The following CCDC7 variants were observed in gnomAD, a reference collection of about 807,000 sequenced individuals.
CCDC7 encodes the protein coiled-coil domain-containing protein 7.
A neutral mutation model predicts 196.9 loss-of-function variants in CCDC7; 183 were observed. That is an observed-to-expected ratio of 0.93 (90% CI 0.82 to 1.05). CCDC7 has a LOEUF of 1.05. CCDC7 is among the 50% of genes least tolerant of loss of function. The probability of loss-of-function intolerance (pLI) is 0.00; values close to 1 mark genes in which losing one functional copy is unlikely to be tolerated. For synonymous variants in CCDC7, 525 were observed against 484.6 expected (o/e 1.08, Z -1.10); for missense variants, 1,540 against 1,482.2 (o/e 1.04, Z -0.64).
chr10:32,565,919 T>C (rs748976637), intron 14 of CCDC7, among the ~76,000 whole-genome samples: 15 of 152,130 alleles, frequency 9.9e-5, no homozygotes, highest in Non-Finnish European at 1.8e-4. Context: ...AAAAAGACAA[T>C]GTATTTCAAG....
chr10:32,603,773 A>AT (rs1189339617), intron 18 of CCDC7, among the ~76,000 whole-genome samples: 1 of 151,702 alleles, frequency 6.6e-6, no homozygotes, highest in Non-Finnish European at 1.5e-5. Flanking sequence ...GTCTATTTAG[A>AT]TTTTTTGCCC....
chr10:32,486,185 A>T (rs1185322385), intron 8 of CCDC7, among the ~76,000 whole-genome samples: 4 of 152,130 alleles, frequency 2.6e-5, no homozygotes, highest in Admixed American at 6.5e-5. Context: ...GTGCTCCTGT[A>T]TTGGGTACAT....
intron 28 of CCDC7, among the ~76,000 whole-genome samples, chr10:32,735,096 A>C (rs1407963645): frequency 2.0e-5 from 3 of 152,126 alleles, no homozygotes; most frequent in African/African-American, 7.2e-5. Context: ...ATTTTTTCAC[A>C]ATACTCCTAA....
At chr10:32,637,393 A>AATT (rs2065851028) in intron 20 of CCDC7, among the ~76,000 whole-genome samples, 2 of 152,068 alleles carry the variant, frequency 1.3e-5, no homozygotes, top group Non-Finnish European at 2.9e-5. Context: ...ATCCATCTTG[A>AATT]ATTAATTTTT....
intron 18 of CCDC7, among the ~76,000 whole-genome samples, chr10:32,584,728 G>T (rs954114642): frequency 8.1e-6 from 1 of 124,114 alleles, no homozygotes; most frequent in South Asian, 2.7e-4. Flanking sequence ...ACTCCAGCCT[G>T]GGCGACAGAG....
intron 13 of CCDC7, among the ~76,000 whole-genome samples, chr10:32,550,508 C>CTTTT (rs2053293279): frequency 6.6e-6 from 1 of 152,058 alleles, no homozygotes; most frequent in African/African-American, 2.4e-5. Context: ...AATGCTTTCA[C>CTTTT]CTTTTCTCCA....
chr10:32,845,600 C>T, exon 35 of CCDC7: 4 of 1,612,302 alleles, frequency 2.5e-6, no homozygotes, highest in Non-Finnish European at 2.5e-6. Context: ...AAGGAGTCAA[C>T]CACGACACAA....
At chr10:32,725,663 T>G (rs1250232837) in intron 25 of CCDC7, among the ~76,000 whole-genome samples, 1 of 152,034 alleles carries the variant, frequency 6.6e-6, no homozygotes, top group African/African-American at 2.4e-5. Flanking sequence ...CTCAGGGAGT[T>G]TTTAGCTATG....
intron 24 of CCDC7, among the ~76,000 whole-genome samples, chr10:32,709,953 T>C (rs1051859974): frequency 6.6e-6 from 1 of 152,186 alleles, no homozygotes; most frequent in Admixed American, 6.5e-5. Flanking sequence ...TGGGTCTGTA[T>C]AGCCAGATAA....
chr10:32,562,981 A>T (rs1458663006), intron 13 of CCDC7, among the ~76,000 whole-genome samples: 1 of 152,194 alleles, frequency 6.6e-6, no homozygotes, highest in Non-Finnish European at 1.5e-5. Context: ...CAATGTGCAA[A>T]AATCACAGGC....
At chr10:32,645,309 T>A (rs376560856) in intron 20 of CCDC7, among the ~76,000 whole-genome samples, 60 of 152,184 alleles carry the variant, frequency 3.9e-4, no homozygotes, top group African/African-American at 1.4e-3. Context: ...ATTCTGTTAA[T>A]GTGATGTGTC....
intron 15 of CCDC7, 24 bp downstream of exon 16, chr10:32,567,915 A>G (rs1208642160): frequency 1.3e-6 from 2 of 1,599,362 alleles, no homozygotes; most frequent in Admixed American, 1.7e-5. Context: ...CAAAATGGAG[A>G]CAGTAGTATA....
chr10:32,474,718 T>A lies in CCDC7; in HGVS notation c.796+695T>A, dbSNP rs904315416. ...TGCTTTGACTGCAGATGAGTAGTTGTCAGTTCAGGAATATAAAGAACTGCT... is the reference window on the plus strand; with the variant it reads ...TGCTTTGACTGCAGATGAGTAGTTGACAGTTCAGGAATATAAAGAACTGCT... On this transcript the variant is annotated intron_variant, in intron 8 of 41. Coordinates refer to ENST00000639629, the Ensembl canonical transcript of CCDC7. Among the ~76,000 whole-genome samples the A allele has an allele frequency of 3.3e-5, 5 of 152,214 alleles. No homozygotes were observed. In the East Asian group the frequency reaches 9.6e-4, roughly 29 times the overall value.
intron 25 of CCDC7, among the ~76,000 whole-genome samples, chr10:32,723,736 C>T (rs1424686228): frequency 6.6e-6 from 1 of 152,042 alleles, no homozygotes; most frequent in East Asian, 1.9e-4. Flanking sequence ...ACAAGATTTC[C>T]TTCTTCATCG....
chr10:32,710,910 G>A (rs1319026420), intron 24 of CCDC7, among the ~76,000 whole-genome samples: 1 of 152,138 alleles, frequency 6.6e-6, no homozygotes, highest in Non-Finnish European at 1.5e-5. Context: ...AAGCAAGAGT[G>A]TAAACATGGA....
intron 28 of CCDC7, among the ~76,000 whole-genome samples, chr10:32,749,014 T>C (rs1354264129): frequency 1.3e-5 from 2 of 152,230 alleles, no homozygotes; most frequent in Non-Finnish European, 2.9e-5. Context: ...TTGGTGGTTT[T>C]ATCCTTCAGA....
chr10:32,839,864 G>A (rs2092858563), intron 33 of CCDC7, among the ~76,000 whole-genome samples: 1 of 151,934 alleles, frequency 6.6e-6, no homozygotes, highest in Admixed American at 6.6e-5. Flanking sequence ...TAAAAATCAT[G>A]CAAATATATG....
chr10:32,806,630 G>A (rs1400312800), intron 30 of CCDC7, among the ~76,000 whole-genome samples: 2 of 152,104 alleles, frequency 1.3e-5, no homozygotes, highest in African/African-American at 4.8e-5. Context: ...AGGGGTTCAA[G>A]TACATTTGAA....
At chr10:32,870,101 C>CTT (rs1223006193) in intron 41 of CCDC7, among the ~76,000 whole-genome samples, 1 of 152,038 alleles carries the variant, frequency 6.6e-6, no homozygotes, top group African/African-American at 2.4e-5. Flanking sequence ...GCCATATGAA[C>CTT]TTTAAAGTAG....
Sources: gnomAD v4.1 joint callset for allele counts (sites outside exome capture counted in the v4.1 genomes callset) on GRCh38, gnomAD v4.1.1 for gene constraint, MANE v1.5 for transcripts, NCBI Gene and HGNC (gene_info 2026-07-23, HGNC 2026-07-21) for gene names.